SNX13: variants seen among roughly 807,000 people sequenced by gnomAD.
SNX13 encodes the protein sorting nexin-13.
A neutral mutation model predicts 133.6 loss-of-function variants in SNX13; 45 were observed. That is an observed-to-expected ratio of 0.34 (90% CI 0.27 to 0.43). The LOEUF is 0.43. Among genes scored for constraint, SNX13 ranks in the 20% least tolerant of loss-of-function variants. SNX13 has a pLI of 1.00. For synonymous variants in SNX13, 414 were observed against 373.9 expected (o/e 1.11, Z -1.24); for missense variants, 1,032 against 1,145.1 (o/e 0.90, Z 1.43).
rs1411998769 is a variant in SNX13, at chr7:17,834,663, CCA to C, written c.1464+96_1464+97del. On this transcript the variant is annotated intron_variant, in intron 14 of 25. Transcript: ENST00000428135. ...ATTGCCATAGTTTATCTTTTTAATA[CCA>C]CTCTACTTTTAGAAAGTTTTTAAAA... 7.8e-5 allele frequency: 52 copies of C among 668,848 alleles called. No individual in the cohort carries two copies. In the East Asian group the frequency reaches 1.5e-3, roughly 19 times the overall value. 41.4% of individuals were successfully genotyped at this position (668,848 alleles called of 1,614,324 possible). A position where few individuals can be genotyped will look rare whatever the true frequency, so the allele number is the denominator to read the frequency against.
chr7:17,801,514 A>T, intron 22 of SNX13, 74 bp downstream of exon 22: 2 of 1,097,220 alleles, frequency 1.8e-6, no homozygotes, highest in South Asian at 1.5e-5. Context: ...TACATAGAAC[A>T]CTTCATTAAA....
At chr7:17,919,041 G>A (rs1799851443) in intron 1 of SNX13, among the ~76,000 whole-genome samples, 1 of 152,030 alleles carries the variant, frequency 6.6e-6, no homozygotes, top group South Asian at 2.1e-4. Context: ...CTAAACATTG[G>A]GTACACACGG....
At position 17,799,127 on chromosome 7, in the gene SNX13, TTA is replaced by T; in HGVS notation, c.2324_2325del (p.Val775AspfsTer7). On this transcript the variant is annotated frameshift_variant, in exon 23 of 26. Transcript: ENST00000428135. LOFTEE classifies it high-confidence loss of function. ...DNVDDNIPLR[V>X]MLLLMDEVFD... ...AATACTTCATCCATGAGAAGCAGCATTACCCTAAGTGGAATATTGTCATCCAC... is the reference window on the plus strand; with the variant it reads ...AATACTTCATCCATGAGAAGCAGCATCCCTAAGTGGAATATTGTCATCCAC... The T allele has an allele frequency of 6.2e-7, 1 of 1,608,546 alleles. No individual in the cohort carries two copies. Among genetic ancestry groups the T allele is most frequent in the Non-Finnish European group, 8.5e-7 (1 of 1,177,230 alleles).
At chr7:17,894,891 C>T (rs1038635531) in intron 2 of SNX13, among the ~76,000 whole-genome samples, 38 of 152,068 alleles carry the variant, frequency 2.5e-4, no homozygotes, top group African/African-American at 8.9e-4. Flanking sequence ...ATCACAAAAG[C>T]AGGGGTTGGG....
At chr7:17,849,368 C>T (rs1790930581) in intron 11 of SNX13, among the ~76,000 whole-genome samples, 3 of 152,184 alleles carry the variant, frequency 2.0e-5, no homozygotes, top group African/African-American at 7.2e-5. Flanking sequence ...CTTCTCACAA[C>T]CTCCATAGAC....
chr7:17,797,991 T>C (rs1232631539), intron 24 of SNX13, among the ~76,000 whole-genome samples: 1 of 151,910 alleles, frequency 6.6e-6, no homozygotes, highest in Non-Finnish European at 1.5e-5. Flanking sequence ...TAAAGTACTG[T>C]GCACAGTGCC....
intron 1 of SNX13, among the ~76,000 whole-genome samples, chr7:17,920,671 T>C (rs893765479): frequency 1.3e-5 from 2 of 152,194 alleles, no homozygotes; most frequent in African/African-American, 2.4e-5. Flanking sequence ...TCCAGCCCCA[T>C]ATACCGTTTA....
At chr7:17,841,858 C>G (rs1333486219) in intron 12 of SNX13, among the ~76,000 whole-genome samples, 1 of 151,668 alleles carries the variant, frequency 6.6e-6, no homozygotes, top group South Asian at 2.1e-4. Flanking sequence ...AAGTATATAA[C>G]CAAAATAAAA....
chr7:17,855,843 A>G (rs1791811420), intron 9 of SNX13, among the ~76,000 whole-genome samples: 1 of 152,242 alleles, frequency 6.6e-6, no homozygotes, highest in Non-Finnish European at 1.5e-5. Flanking sequence ...CTTACTATTT[A>G]GGAAATGCAT....
chr7:17,792,163 G>A lies in SNX13; in HGVS notation c.*1882C>T, dbSNP rs1335790308. 1.3e-5 allele frequency: 2 copies of A among 152,026 alleles called. No homozygotes were observed. The highest frequency in any genetic ancestry group is 1.5e-5 in the Non-Finnish European group (1 of 67,958). The allele number at this position is 152,026 out of a possible 1,614,324, so 9.4% of individuals were successfully genotyped here. On this transcript the variant is annotated 3_prime_UTR_variant, in exon 26 of 26. Transcript: ENST00000428135. ...GTCAAAAATATATTTGAAATGGGCA[G>A]AGGCATATATGAAAATCACTGCACT...
chr7:17,937,610 T>C (rs1426314699), intron 1 of SNX13, among the ~76,000 whole-genome samples: 3 of 152,010 alleles, frequency 2.0e-5, no homozygotes, highest in Non-Finnish European at 2.9e-5. Flanking sequence ...TATGTATCTA[T>C]GTACTTAGTA....
At chr7:17,831,774 CTAATT>C (rs995582691) in intron 15 of SNX13, 17 of 983,620 alleles carry the variant, frequency 1.7e-5, no homozygotes, top group African/African-American at 1.4e-4. Context: ...AGTCAGAAAA[CTAATT>C]TATAACAAAA....
chr7:17,869,569 C>A (rs1793809300), intron 8 of SNX13, among the ~76,000 whole-genome samples: 1 of 151,952 alleles, frequency 6.6e-6, no homozygotes, highest in Non-Finnish European at 1.5e-5. Context: ...AGAAGGTGGT[C>A]TTTATTTTTA....
chr7:17,840,660 A>T (rs1049401351), intron 12 of SNX13, among the ~76,000 whole-genome samples: 2 of 152,054 alleles, frequency 1.3e-5, no homozygotes, highest in African/African-American at 2.4e-5. Flanking sequence ...ATTTCCTTCA[A>T]AACAAAACAA....
At chr7:17,872,280 T>C (rs1338643992) in intron 8 of SNX13, among the ~76,000 whole-genome samples, 6 of 152,046 alleles carry the variant, frequency 3.9e-5, no homozygotes. Context: ...TGACTAAAAA[T>C]GAGACCAGTG....
rs546300869 is a variant in SNX13 at position 17,807,964 on chromosome 7, A to G, written c.2065-4384T>C. On this transcript the variant is annotated intron_variant, in intron 20 of 25. Coordinates refer to ENST00000428135, the MANE Select transcript of SNX13 (RefSeq NM_015132.5). ...AACCCATCTGAAGGTCAGCAACATC[A>G]AAGACCAAAGGTAGATAAATTCACG... Among the ~76,000 whole-genome samples the G allele has an allele frequency of 5.9e-5, 9 of 152,344 alleles. No individual in the cohort carries two copies. In the South Asian group the frequency reaches 1.9e-3, roughly 32 times the overall value.
chr7:17,808,513 C>T (rs778418697), intron 20 of SNX13, among the ~76,000 whole-genome samples: 2 of 152,140 alleles, frequency 1.3e-5, no homozygotes, highest in Non-Finnish European at 2.9e-5. Flanking sequence ...AGAATGGAAC[C>T]AAGTTGGAAA....
At chr7:17,881,875 G>C (rs1290089180) in intron 5 of SNX13, 1 of 152,078 alleles carries the variant, frequency 6.6e-6, no homozygotes. Flanking sequence ...GCTTCATTTT[G>C]AATCCACTAA....
At chr7:17,806,457 C>G (rs1465098022) in intron 20 of SNX13, among the ~76,000 whole-genome samples, 1 of 152,098 alleles carries the variant, frequency 6.6e-6, no homozygotes, top group Non-Finnish European at 1.5e-5. Flanking sequence ...AAATATTAAA[C>G]TATCATTTAG....
Sources: gnomAD v4.1 joint callset for allele counts (sites outside exome capture counted in the v4.1 genomes callset) on GRCh38, gnomAD v4.1.1 for gene constraint, MANE v1.5 for transcripts, NCBI Gene and HGNC (gene_info 2026-07-23, HGNC 2026-07-21) for gene names.